KDM6A: variants seen among roughly 807,000 people sequenced by gnomAD.
KDM6A encodes lysine demethylase 6A, also known as lysine-specific demethylase 6A.
Under a neutral mutation model 117.6 loss-of-function variants are expected in KDM6A, and 11 were observed. The observed-to-expected ratio is 0.09, with a 90% confidence interval of 0.06 to 0.15. The LOEUF (loss-of-function observed/expected upper bound fraction) is 0.15, where lower values mean the gene tolerates loss of function less well. Among genes scored for constraint, KDM6A ranks in the 10% least tolerant of loss-of-function variants. The pLI, the probability that KDM6A is intolerant of heterozygous loss-of-function variation, is 1.00. For missense variants in KDM6A, 799 were observed against 1,077.3 expected, an observed-to-expected ratio of 0.74 and a Z score of 3.62; for synonymous variants, 384 against 396.1, an observed-to-expected ratio of 0.97 and a Z score of 0.36.
At chrX:44,977,038 G>C (rs1235308020) in intron 4 of KDM6A, among the ~76,000 whole-genome samples, 1 of 111,132 alleles carries the variant, frequency 9.0e-6, no homozygotes, top group African/African-American at 3.3e-5. Context: ...TGTGCCTAGT[G>C]GGGTAGAAAA....
intron 6 of KDM6A, among the ~76,000 whole-genome samples, chrX:45,031,322 G>A (rs945522202): frequency 3.6e-5 from 4 of 111,975 alleles, no homozygotes; most frequent in Admixed American, 9.5e-5. Context: ...TATAGCCATA[G>A]AAGCGTGCCT....
At chrX:44,957,624 C>T (rs2038413757) in intron 2 of KDM6A, among the ~76,000 whole-genome samples, 1 of 111,622 alleles carries the variant, frequency 9.0e-6, no homozygotes, top group South Asian at 3.7e-4. Flanking sequence ...TTCTACGTAG[C>T]TGGGAGGATC....
intron 4 of KDM6A, among the ~76,000 whole-genome samples, chrX:45,004,577 C>T (rs1359005630): frequency 5.4e-5 from 6 of 111,201 alleles, no homozygotes; most frequent in African/African-American, 2.0e-4. Flanking sequence ...CTCATTTGCT[C>T]CCTCAGTCTG....
At chrX:45,059,144 T>C in intron 11 of KDM6A, 40 bp downstream of exon 11, 5 of 1,182,028 alleles carry the variant, frequency 4.2e-6, no homozygotes, top group Non-Finnish European at 4.6e-6. Context: ...TTAATTGATA[T>C]ACAAAGATGG....
intron 17 of KDM6A, among the ~76,000 whole-genome samples, chrX:45,065,284 G>A (rs1007375366): frequency 2.7e-5 from 3 of 111,901 alleles, no homozygotes; most frequent in African/African-American, 9.8e-5. Context: ...GGCAAGCATG[G>A]CAGAACAGGA....
rs181880915 is a variant in KDM6A, at chrX:44,954,685, G to T, written c.226-6599G>T. 4.5e-5 allele frequency among the ~76,000 whole-genome samples: 5 copies of T among 111,129 alleles called. No homozygotes were observed. The Admixed American group carries it at 4.8e-4, about 11-fold the overall frequency. On this transcript the variant is annotated intron_variant, in intron 2 of 29. Transcript: ENST00000611820. ...GAACAGGGAAAGAAAAAATATGGAT[G>T]TGTAGGCTGGGACTGGAGCCAAGTA...
intron 10 of KDM6A, 70 bp downstream of exon 10, chrX:45,054,025 A>T: frequency 9.5e-7 from 1 of 1,057,937 alleles, no homozygotes; most frequent in East Asian, 3.0e-5. Flanking sequence ...ACAATTTAAA[A>T]TGTTAGTTTA....
At chrX:45,013,344 T>C (rs1334210371) in intron 5 of KDM6A, among the ~76,000 whole-genome samples, 1 of 111,709 alleles carries the variant, frequency 9.0e-6, no homozygotes, top group East Asian at 2.8e-4. Flanking sequence ...AGGTGACACC[T>C]GAGGGGAGGA....
intron 2 of KDM6A, among the ~76,000 whole-genome samples, chrX:44,952,271 C>CT (rs35385542): frequency 0.013 from 1,164 of 89,862 alleles, 20 homozygotes; most frequent in African/African-American, 0.019. Flanking sequence ...TTCTACTGAC[C>CT]TTTTTTTTTT....
intron 9 of KDM6A, among the ~76,000 whole-genome samples, chrX:45,053,200 G>T (rs948548903): frequency 9.0e-6 from 1 of 111,486 alleles, no homozygotes; most frequent in Non-Finnish European, 1.9e-5. Flanking sequence ...TTGGGAGGTC[G>T]TGGTGGGTGA....
chrX:45,089,493 T>G (rs1469239941), intron 25 of KDM6A, among the ~76,000 whole-genome samples: 1 of 99,837 alleles, frequency 1.0e-5, no homozygotes, highest in African/African-American at 3.8e-5. Flanking sequence ...GCCACTGCAC[T>G]CCCGCCCAGG....
rs1602318524 is a variant in KDM6A, at chrX:44,951,729, G to C, written c.226-9555G>C. Among the ~76,000 whole-genome samples the C allele has an allele frequency of 2.7e-5, 3 of 110,620 alleles. No individual in the cohort carries two copies. The Admixed American group carries it at 2.9e-4, about 11-fold the overall frequency. On this transcript the variant is annotated intron_variant, in intron 2 of 29. Coordinates refer to ENST00000611820, the MANE Select transcript of KDM6A (RefSeq NM_001291415.2). ...GAGCTAGTGTGTAGGAGAAAAAGCT[G>C]ATTATGGAGAGGGTCGTTCTTGCAC...
At chrX:44,921,518 A>G (rs2035936717) in intron 2 of KDM6A, among the ~76,000 whole-genome samples, 1 of 111,476 alleles carries the variant, frequency 9.0e-6, no homozygotes, top group African/African-American at 3.3e-5. Context: ...CAATCCCCAC[A>G]ATCATCTCCC....
intron 3 of KDM6A, among the ~76,000 whole-genome samples, chrX:44,965,109 A>G (rs2038941699): frequency 1.8e-5 from 2 of 111,996 alleles, no homozygotes; most frequent in Admixed American, 9.5e-5. Context: ...CTAGCTTTAC[A>G]CTTTTCTTCT....
At chrX:45,022,755 G>A (rs767333870) in intron 6 of KDM6A, among the ~76,000 whole-genome samples, 3 of 111,466 alleles carry the variant, frequency 2.7e-5, no homozygotes, top group Non-Finnish European at 3.8e-5. Flanking sequence ...CAGTGTGTTG[G>A]TATAGATGCT....
chrX:45,033,716 G>A (rs1226622716), intron 6 of KDM6A, among the ~76,000 whole-genome samples: 3 of 110,006 alleles, frequency 2.7e-5, no homozygotes, highest in Non-Finnish European at 5.7e-5. Context: ...ACTATGAACG[G>A]CTAATTTTTT....
chrX:45,007,170 C>T (rs2041537842), intron 4 of KDM6A, among the ~76,000 whole-genome samples: 1 of 111,489 alleles, frequency 9.0e-6, no homozygotes, highest in African/African-American at 3.3e-5. Flanking sequence ...ACAATAACCT[C>T]TGCTTATTAC....
intron 17 of KDM6A, among the ~76,000 whole-genome samples, chrX:45,066,362 A>G: frequency 8.9e-6 from 1 of 112,133 alleles, no homozygotes; most frequent in Non-Finnish European, 1.9e-5. Context: ...AAAGAGAACA[A>G]CAACCGGGTG....
At chrX:45,025,870 C>T (rs1705870948) in intron 6 of KDM6A, among the ~76,000 whole-genome samples, 1 of 111,950 alleles carries the variant, frequency 8.9e-6, no homozygotes, top group African/African-American at 3.3e-5. Flanking sequence ...TTTAAGTCCC[C>T]TTTTATAATT....
Sources: allele counts gnomAD v4.1 joint callset (sites outside exome capture counted in the v4.1 genomes callset), GRCh38; gene constraint gnomAD v4.1.1; transcripts MANE v1.5; gene names NCBI Gene and HGNC (gene_info 2026-07-23, HGNC 2026-07-21).